TECPR2: variants seen among roughly 807,000 people sequenced by gnomAD.
The protein encoded by TECPR2 is tectonin beta-propeller repeat-containing protein 2.
TECPR2 carries 65 observed loss-of-function variants against 138.1 expected under a neutral mutation model. The observed-to-expected ratio is 0.47, with a 90% CI of 0.39 to 0.58. The LOEUF is 0.58. Ranked by LOEUF, TECPR2 falls within the 20% of genes least tolerant of loss-of-function variation. The pLI is 0.00. For missense variants in TECPR2, 1,553 were observed against 1,824.5 expected (o/e 0.85, Z 2.71); for synonymous variants, 746 against 749.8 (o/e 0.99, Z 0.08).
chr14:102,442,783 A>AT (rs545844119), intron 11 of TECPR2, among the ~76,000 whole-genome samples: 185 of 152,372 alleles, frequency 1.2e-3, no homozygotes, highest in South Asian at 4.8e-3. Flanking sequence ...GTCACGGAGC[A>AT]TATTTGAGTA....
intron 17 of TECPR2, 133 bp from the exon 18 acceptor site, chr14:102,496,846 C>T: frequency 7.4e-7 from 1 of 1,348,776 alleles, no homozygotes; most frequent in Non-Finnish European, 1.0e-6. Flanking sequence ...CAGGACGTGG[C>T]CTCTCTGCCT....
intron 11 of TECPR2, 147 bp downstream of exon 11, chr14:102,440,756 T>G: frequency 8.8e-7 from 1 of 1,137,068 alleles, no homozygotes; most frequent in Non-Finnish European, 1.2e-6. Flanking sequence ...AAGAGAGTAT[T>G]TGCCATTTGG....
At chr14:102,445,772 G>T (rs767626653) in intron 12 of TECPR2, 34 bp from the exon 13 acceptor site, 4 of 1,607,678 alleles carry the variant, frequency 2.5e-6, no homozygotes, top group Non-Finnish European at 3.4e-6. Context: ...CTGCCTATGG[G>T]TGCTGACCCC....
intron 2 of TECPR2, among the ~76,000 whole-genome samples, chr14:102,392,128 A>G (rs915173610): frequency 2.0e-5 from 3 of 152,116 alleles, no homozygotes; most frequent in Non-Finnish European, 4.4e-5. Context: ...AGCAGGGATT[A>G]CAGGTGCTCG....
chr14:102,496,841 C>T (rs756766110), intron 17 of TECPR2, 138 bp from the exon 18 acceptor site: 216 of 1,280,436 alleles, frequency 1.7e-4, no homozygotes, highest in Non-Finnish European at 2.3e-4. Context: ...AGGGGCAGGA[C>T]GTGGCCTCTC....
Position 102,452,582 on chromosome 14 carries a change from T to C in TECPR2, c.3595T>C (p.Cys1199Arg). Residue 1199 changes from cysteine (C) to arginine (R), a missense_variant, in exon 16 of 20, where the codon TGC (cysteine) becomes CGC (arginine). Transcript: ENST00000359520. Reference sequence around the variant, plus strand: ...GTTCATCAGGACGCTCTCCAAGAGCTGCCCCACGGGCATGCACTGGACCAG... The same window carrying C: ...GTTCATCAGGACGCTCTCCAAGAGCCGCCCCACGGGCATGCACTGGACCAG... ...QVFIRTLSKS[C>R]PTGMHWTRLD... The C allele has an allele frequency of 6.2e-7, 1 of 1,607,976 alleles. No individual in the cohort carries two copies. Among genetic ancestry groups the C allele is most frequent in the Non-Finnish European group, 8.5e-7 (1 of 1,177,952 alleles).
At chr14:102,413,234 A>G (rs2139701222) in intron 4 of TECPR2, among the ~76,000 whole-genome samples, 1 of 152,246 alleles carries the variant, frequency 6.6e-6, no homozygotes, top group South Asian at 2.1e-4. Context: ...AGTTTTACCA[A>G]CAAATCTGAT....
rs35257572 is a variant in TECPR2, at chr14:102,431,556, A to C, written c.1085-240A>C. On this transcript the variant is annotated intron_variant, in intron 7 of 19. Transcript: ENST00000359520. Reference sequence around the variant, plus strand: ...ACGGGGTTTCACTGTGTTAGCCAGGATGGTCTTGATCTCCTGACCTTGTGA... The same window carrying C: ...ACGGGGTTTCACTGTGTTAGCCAGGCTGGTCTTGATCTCCTGACCTTGTGA... Among the ~76,000 whole-genome samples, 4,844 of 152,062 alleles carry C rather than the reference A, an allele frequency of 0.032. 180 individuals are homozygous for C. The highest frequency in any genetic ancestry group is 0.092 in the African/African-American group (3,808 of 41,490).
intron 1 of TECPR2, among the ~76,000 whole-genome samples, chr14:102,365,720 A>G (rs1203015855): frequency 6.6e-6 from 1 of 152,208 alleles, no homozygotes; most frequent in Non-Finnish European, 1.5e-5. Context: ...TGAGAGAAGA[A>G]GCGTGTAGAG....
At chr14:102,397,934 G>A (rs541939473) in intron 2 of TECPR2, among the ~76,000 whole-genome samples, 13 of 151,598 alleles carry the variant, frequency 8.6e-5, no homozygotes, top group Non-Finnish European at 1.6e-4. Context: ...TTAGCTGGGC[G>A]TGGTGGCACA....
In TECPR2 at chr14:102,478,876, G is replaced by T. The variant is rs138844643; in HGVS notation, c.3789+13587G>T. On this transcript the variant is annotated intron_variant, in intron 17 of 19. Coordinates refer to ENST00000359520, the MANE Select transcript of TECPR2 (RefSeq NM_014844.5). Reference sequence around the variant, plus strand: ...ACCAAAAATACAAAAAATTAGCTGGGCATGGTGGCACATGCCTGTAATTTC... The same window carrying T: ...ACCAAAAATACAAAAAATTAGCTGGTCATGGTGGCACATGCCTGTAATTTC... Among the ~76,000 whole-genome samples, 17 of 152,042 alleles carry T rather than the reference G, an allele frequency of 1.1e-4. No homozygotes were observed. The East Asian group carries it at 3.3e-3, about 29-fold the overall frequency.
chr14:102,466,358 TACGGC>T (rs1890550725), intron 17 of TECPR2, among the ~76,000 whole-genome samples: 1 of 152,186 alleles, frequency 6.6e-6, no homozygotes, highest in South Asian at 2.1e-4. Context: ...TTGTGAATGA[TACGGC>T]ACTGTCAAAC....
chr14:102,465,056 T>G, intron 16 of TECPR2, 85 bp from the exon 17 acceptor site: 2 of 1,518,112 alleles, frequency 1.3e-6, no homozygotes, highest in Non-Finnish European at 1.8e-6. Flanking sequence ...TTCTTTGAAG[T>G]AGAAAATCAA....
chr14:102,408,352 G>T, intron 3 of TECPR2, 136 bp from the exon 4 acceptor site: 1 of 925,960 alleles, frequency 1.1e-6, no homozygotes, highest in South Asian at 1.9e-5. Flanking sequence ...TTTGTGCAGG[G>T]TTCTGCTTGG....
intron 19 of TECPR2, 68 bp downstream of exon 19, chr14:102,497,787 G>A (rs1891329187): frequency 6.7e-7 from 1 of 1,483,264 alleles, no homozygotes; most frequent in Non-Finnish European, 9.0e-7. Flanking sequence ...ACGATGTCGG[G>A]GGGCTCTCAA....
At chr14:102,491,935 A>G (rs1271724824) in intron 17 of TECPR2, among the ~76,000 whole-genome samples, 1 of 152,210 alleles carries the variant, frequency 6.6e-6, no homozygotes, top group African/African-American at 2.4e-5. Context: ...AAATGATCAC[A>G]TGCCTCCAAT....
At chr14:102,382,123 C>G (rs1230562473) in intron 2 of TECPR2, among the ~76,000 whole-genome samples, 3 of 152,106 alleles carry the variant, frequency 2.0e-5, no homozygotes, top group African/African-American at 7.2e-5. Flanking sequence ...GAAACCCTGT[C>G]TCTACTAAAA....
intron 1 of TECPR2, among the ~76,000 whole-genome samples, chr14:102,367,758 G>T (rs1202326162): frequency 6.6e-6 from 1 of 151,996 alleles, no homozygotes; most frequent in Admixed American, 6.6e-5. Context: ...TTTCTATTGG[G>T]CATAAACCTA....
chr14:102,364,680 A>G (rs1887295209), intron 1 of TECPR2, among the ~76,000 whole-genome samples: 1 of 152,096 alleles, frequency 6.6e-6, no homozygotes, highest in South Asian at 2.1e-4. Context: ...ACTGGCATCT[A>G]CTGGATTTTT....
Sources: allele counts gnomAD v4.1 joint callset (sites outside exome capture counted in the v4.1 genomes callset), GRCh38; gene constraint gnomAD v4.1.1; transcripts MANE v1.5; gene names NCBI Gene and HGNC (gene_info 2026-07-23, HGNC 2026-07-21).